ZYG11B: variants seen among roughly 807,000 people sequenced by gnomAD.
ZYG11B encodes protein zyg-11 homolog B.
Under a neutral mutation model 82.4 loss-of-function variants are expected in ZYG11B, and 36 were observed. That is an observed-to-expected ratio of 0.44 (90% CI 0.33 to 0.58). The LOEUF (loss-of-function observed/expected upper bound fraction) is 0.58, where lower values mean the gene tolerates loss of function less well. ZYG11B is among the 20% of genes least tolerant of loss of function. ZYG11B has a pLI of 0.02. For missense variants in ZYG11B, 552 were observed against 895.6 expected (o/e 0.62, Z 4.90); for synonymous variants, 303 against 312.8 (o/e 0.97, Z 0.33).
At chr1:52,737,149 T>C (rs961704521) in intron 1 of ZYG11B, among the ~76,000 whole-genome samples, 20 of 152,186 alleles carry the variant, frequency 1.3e-4, no homozygotes, top group African/African-American at 4.8e-4. Context: ...CCCAAAGTGC[T>C]GGCATTACAG....
At chr1:52,798,501 C>T (rs960503711) in intron 8 of ZYG11B, among the ~76,000 whole-genome samples, 2 of 152,054 alleles carry the variant, frequency 1.3e-5, no homozygotes, top group East Asian at 1.9e-4. Context: ...GTCCCAGCTA[C>T]GCAAGAGGCT....
At chr1:52,796,205 A>T in intron 6 of ZYG11B, 87 bp from the exon 7 acceptor site, 1 of 915,996 alleles carries the variant, frequency 1.1e-6, no homozygotes, top group Non-Finnish European at 1.8e-6. Flanking sequence ...TCATATATTT[A>T]AGTTGTAGCA....
rs1279760762 is a variant in ZYG11B, at chr1:52,779,770, G to A, written c.952-83G>A. On this transcript the variant is annotated intron_variant, in intron 3 of 13. Transcript: ENST00000294353. ...CTCCCAAAGTACTGGGATTACAGGC[G>A]TGAGCCACCGCGCCTGGCCACACAT... 1.7e-5 allele frequency: 27 copies of A among 1,555,862 alleles called. No individual in the cohort carries two copies. The African/African-American group carries it at 2.6e-4, about 15-fold the overall frequency.
At position 52,822,641 on chromosome 1, in the gene ZYG11B, T is replaced by C. The variant is rs1484447198; in HGVS notation, c.*1012T>C. On this transcript the variant is annotated 3_prime_UTR_variant, in exon 14 of 14. Coordinates refer to ENST00000294353, the MANE Select transcript of ZYG11B (RefSeq NM_024646.3). The stretch of plus-strand genomic sequence containing the variant: ...GTTAAAATCTCTTGTTCAAAATATG[T>C]GTATCTTCTTAATGTGTTCATGTTA... 1.3e-5 allele frequency: 2 copies of C among 152,228 alleles called. No homozygotes were observed. The highest frequency in any genetic ancestry group is 4.8e-5 in the African/African-American group (2 of 41,466). 9.4% of individuals were successfully genotyped at this position (152,228 alleles called of 1,614,324 possible).
chr1:52,819,263 CAGAGTTGTTCACTCA>C (rs1460667398), intron 13 of ZYG11B, among the ~76,000 whole-genome samples: 1 of 152,180 alleles, frequency 6.6e-6, no homozygotes, highest in Non-Finnish European at 1.5e-5. Flanking sequence ...TACCCAGAAG[CAGAGTTGTTCACTCA>C]TAAATCGAAA....
At position 52,741,298 on chromosome 1, in the gene ZYG11B, C is replaced by CAA. The variant is rs770092920; in HGVS notation, c.30+14635_30+14636dup. Reference sequence around the variant, plus strand: ...GGGGCAAAAGAGTGAGACTTCGTCTCAAAAAAAAAAAAAAAAAAAAAGAAA... The same window carrying CAA: ...GGGGCAAAAGAGTGAGACTTCGTCTCAAAAAAAAAAAAAAAAAAAAAAAGAAA... On this transcript the variant is annotated intron_variant, in intron 1 of 13. Coordinates refer to ENST00000294353, the MANE Select transcript of ZYG11B (RefSeq NM_024646.3). Among the ~76,000 whole-genome samples the CAA allele has an allele frequency of 4.3e-4, 31 of 71,996 alleles. 1 individual carries two copies. The highest frequency in any genetic ancestry group is 6.0e-4 in the Admixed American group (3 of 5,014). 47.2% of individuals were successfully genotyped at this position (71,996 alleles called of 152,430 possible).
chr1:52,758,740 T>G (rs553178020), intron 2 of ZYG11B, among the ~76,000 whole-genome samples: 1 of 152,298 alleles, frequency 6.6e-6, no homozygotes, highest in South Asian at 2.1e-4. Flanking sequence ...TCTACATTGC[T>G]TGTTTTTCAC....
intron 1 of ZYG11B, among the ~76,000 whole-genome samples, chr1:52,734,832 G>A (rs6588438): frequency 0.49 from 73,870 of 151,488 alleles, 18,210 homozygotes; most frequent in East Asian, 0.62. Flanking sequence ...GGGTTCAAAC[G>A]ATTTTCCTGC....
In ZYG11B at chr1:52,750,582, A is replaced by AT. The variant is rs1644513464; in HGVS notation, c.31-5871dup. 2.0e-5 allele frequency among the ~76,000 whole-genome samples: 3 copies of AT among 152,250 alleles called. No homozygotes were observed. In the South Asian group the frequency reaches 6.2e-4, roughly 32 times the overall value. On this transcript the variant is annotated intron_variant, in intron 1 of 13. Transcript: ENST00000294353. ...GCCATCGTGCCTGACTCTGGCAACT[A>AT]TTTTTAATAGCAGCTTTATTGAGAT...
intron 6 of ZYG11B, among the ~76,000 whole-genome samples, chr1:52,793,506 A>T (rs1644976464): frequency 6.6e-6 from 1 of 152,202 alleles, no homozygotes; most frequent in Non-Finnish European, 1.5e-5. Flanking sequence ...ACAAAAAGTT[A>T]ATAAGTGGTG....
At chr1:52,820,502 G>C (rs1257294411) in intron 13 of ZYG11B, among the ~76,000 whole-genome samples, 1 of 151,556 alleles carries the variant, frequency 6.6e-6, no homozygotes, top group African/African-American at 2.4e-5. Flanking sequence ...CAAAAATTTA[G>C]CCAGGTGTGG....
At chr1:52,742,924 CGGGA>C (rs1358109405) in intron 1 of ZYG11B, among the ~76,000 whole-genome samples, 10 of 150,252 alleles carry the variant, frequency 6.7e-5, no homozygotes, top group African/African-American at 2.4e-4. Context: ...CCGCCCCGTC[CGGGA>C]GGGAGGTGGG....
At chr1:52,797,117 T>C (rs1645022478) in intron 8 of ZYG11B, among the ~76,000 whole-genome samples, 1 of 69,598 alleles carries the variant, frequency 1.4e-5, no homozygotes, top group Non-Finnish European at 2.0e-5. Flanking sequence ...TATATTTATA[T>C]ATTATATATT....
intron 6 of ZYG11B, among the ~76,000 whole-genome samples, chr1:52,795,292 C>A: frequency 6.6e-6 from 1 of 152,190 alleles, no homozygotes; most frequent in South Asian, 2.1e-4. Flanking sequence ...ATGTGCCAGT[C>A]TCGCCTTCCA....
intron 1 of ZYG11B, among the ~76,000 whole-genome samples, chr1:52,752,942 TG>T (rs1571751188): frequency 6.6e-6 from 1 of 151,876 alleles, no homozygotes; most frequent in Non-Finnish European, 1.5e-5. Context: ...CTGCCTCCTG[TG>T]TTCAAGTGAT....
intron 3 of ZYG11B, chr1:52,772,440 T>G (rs551753271): frequency 2.6e-6 from 4 of 1,567,498 alleles, no homozygotes; most frequent in Admixed American, 1.7e-5. Flanking sequence ...TCTTAAAATT[T>G]TATTGCCTGT....
chr1:52,743,404 A>T (rs1644450476), intron 1 of ZYG11B, among the ~76,000 whole-genome samples: 1 of 114,490 alleles, frequency 8.7e-6, no homozygotes, highest in African/African-American at 5.4e-5. Context: ...ATAAATACTA[A>T]AAAAAAAAAA....
intron 13 of ZYG11B, 78 bp from the exon 14 acceptor site, chr1:52,821,361 T>C: frequency 6.9e-7 from 1 of 1,449,346 alleles, no homozygotes; most frequent in Non-Finnish European, 9.1e-7. Flanking sequence ...TAGAAGTCAT[T>C]TTTTTGTGGA....
chr1:52,806,874 A>AT (rs112225804), intron 10 of ZYG11B, among the ~76,000 whole-genome samples: 15,933 of 146,386 alleles, frequency 0.11, 1,873 homozygotes, highest in East Asian at 0.35. Flanking sequence ...GTACAATGTA[A>AT]TTTTTTTTTT....
Sources: gnomAD v4.1 joint callset for allele counts (sites outside exome capture counted in the v4.1 genomes callset) on GRCh38, gnomAD v4.1.1 for gene constraint, MANE v1.5 for transcripts, NCBI Gene and HGNC (gene_info 2026-07-23, HGNC 2026-07-21) for gene names.